CGNL1: variants seen among roughly 807,000 people sequenced by gnomAD.
The protein encoded by CGNL1 is cingulin like 1.
In CGNL1, 132 loss-of-function variants were observed where a neutral mutation model predicts 141.2. The ratio of observed to expected loss-of-function variants is 0.93; its 90% CI spans 0.81 to 1.08. CGNL1 has a LOEUF of 1.08. CGNL1 is among the 50% of genes least tolerant of loss of function. CGNL1 has a pLI of 0.00. For missense variants in CGNL1, 1,870 were observed against 1,588.6 expected (o/e 1.18, Z -3.01); for synonymous variants, 690 against 622.1 (o/e 1.11, Z -1.63).
chr15:57,495,755 T>C (rs747424186), intron 8 of CGNL1, among the ~76,000 whole-genome samples: 1 of 152,106 alleles, frequency 6.6e-6, no homozygotes, highest in Non-Finnish European at 1.5e-5. Flanking sequence ...TGACTTGGAG[T>C]GTGACCAGCC....
At chr15:57,402,475 A>G (rs1204449465) in intron 1 of CGNL1, among the ~76,000 whole-genome samples, 1 of 152,216 alleles carries the variant, frequency 6.6e-6, no homozygotes, top group Non-Finnish European at 1.5e-5. Flanking sequence ...CTAGCACACC[A>G]TGCTCTAAGT....
chr15:57,406,747 G>C lies in CGNL1; in HGVS notation c.-16+30180G>C, dbSNP rs549711634. Among the ~76,000 whole-genome samples, 5 of 152,282 alleles carry C rather than the reference G, an allele frequency of 3.3e-5. No homozygotes were observed. In the East Asian group the frequency reaches 9.6e-4, roughly 29 times the overall value. ...GTAATCAAACTTACATAAGTACTGTGCAAATCCAGAAAATTTGTAGTGAGT... is the reference window on the plus strand; with the variant it reads ...GTAATCAAACTTACATAAGTACTGTCCAAATCCAGAAAATTTGTAGTGAGT... On this transcript the variant is annotated intron_variant, in intron 1 of 18. Coordinates refer to ENST00000281282, the MANE Select transcript of CGNL1 (RefSeq NM_032866.5).
At chr15:57,517,251 C>G (rs1388775284) in intron 9 of CGNL1, among the ~76,000 whole-genome samples, 4 of 152,312 alleles carry the variant, frequency 2.6e-5, no homozygotes, top group Admixed American at 1.3e-4. Context: ...CCAGACATAC[C>G]CAGCCTTCCA....
At chr15:57,472,706 C>A (rs2063598230) in intron 8 of CGNL1, among the ~76,000 whole-genome samples, 1 of 152,126 alleles carries the variant, frequency 6.6e-6, no homozygotes, top group South Asian at 2.1e-4. Context: ...CCCCATTTTC[C>A]TTATGAGTTT....
chr15:57,529,559 AACACACACACACACACACACACACAC>A (rs10593466), intron 13 of CGNL1, among the ~76,000 whole-genome samples: 411 of 138,008 alleles, frequency 3.0e-3, no homozygotes, highest in Non-Finnish European at 5.5e-3. Context: ...AACCCCCAGA[AACACACACACACACACACACACACAC>A]ACACACACAC....
In CGNL1 at chr15:57,547,430, C is replaced by T; in HGVS notation, c.3849C>T (p.Leu1283=). The change falls in exon 19 of 19, where the codon CTC becomes CTT. Residue 1283 remains leucine, a synonymous_variant. Transcript: ENST00000281282. ...ACCTCAGCACGGATGGGGGAAGCCT[C>T]TATGAGGCGCCTGTGAGCTACACAT... The part of the protein sequence containing the change: ...DDDLSTDGGS[L]YEAPVSYTFS... 2 of 1,614,192 alleles carry T rather than the reference C, an allele frequency of 1.2e-6. No individual in the cohort carries two copies. Among genetic ancestry groups the T allele is most frequent in the Non-Finnish European group, 1.7e-6 (2 of 1,180,024 alleles).
chr15:57,445,474 A>T (rs937871095), intron 4 of CGNL1, among the ~76,000 whole-genome samples: 13 of 152,214 alleles, frequency 8.5e-5, no homozygotes, highest in Non-Finnish European at 1.9e-4. Context: ...TTAGGAGAGA[A>T]TGTAAGAACC....
rs143671233 is a variant in CGNL1 at position 57,476,716 on chromosome 15, C to T, written c.2403+14824C>T. Among the ~76,000 whole-genome samples the T allele has an allele frequency of 3.1e-3, 465 of 152,278 alleles. 7 individuals are homozygous for T. The highest frequency in any genetic ancestry group is 0.011 in the African/African-American group (437 of 41,558). On this transcript the variant is annotated intron_variant, in intron 8 of 18. Coordinates refer to ENST00000281282, the MANE Select transcript of CGNL1 (RefSeq NM_032866.5). ...GATGCAATGGAAAAATCCCTCTGTCCGAGTCATCTCTAGGGAACAGAACTT... is the reference window on the plus strand; with the variant it reads ...GATGCAATGGAAAAATCCCTCTGTCTGAGTCATCTCTAGGGAACAGAACTT...
intron 1 of CGNL1, among the ~76,000 whole-genome samples, chr15:57,409,948 C>T (rs1302615913): frequency 1.3e-5 from 2 of 152,170 alleles, no homozygotes; most frequent in Non-Finnish European, 2.9e-5. Flanking sequence ...GTGAGGATCT[C>T]GCCCTTTCTG....
chr15:57,480,971 C>T (rs1243563652), intron 8 of CGNL1, among the ~76,000 whole-genome samples: 2 of 151,632 alleles, frequency 1.3e-5, no homozygotes, highest in South Asian at 2.1e-4. Flanking sequence ...AACAGTACAC[C>T]TTAAATGCCT....
chr15:57,482,429 A>G lies in CGNL1; in HGVS notation c.2403+20537A>G, dbSNP rs192632085. On this transcript the variant is annotated intron_variant, in intron 8 of 18. Transcript: ENST00000281282. Reference sequence around the variant, plus strand: ...AAGGTTTCTTAGTTTTGCATTTTACATTTAAGCTCACAGTCCATTTTGAGT... The same window carrying G: ...AAGGTTTCTTAGTTTTGCATTTTACGTTTAAGCTCACAGTCCATTTTGAGT... 4.6e-5 allele frequency among the ~76,000 whole-genome samples: 7 copies of G among 152,296 alleles called. No individual in the cohort carries two copies. In the East Asian group the frequency reaches 1.2e-3, roughly 25 times the overall value.
intron 14 of CGNL1, 70 bp from the exon 15 acceptor site, chr15:57,543,626 C>T: frequency 7.3e-7 from 1 of 1,376,888 alleles, no homozygotes; most frequent in Non-Finnish European, 1.0e-6. Flanking sequence ...CAGTTCCTTG[C>T]CACCATTTCA....
At chr15:57,454,424 C>A (rs1330334944) in intron 7 of CGNL1, among the ~76,000 whole-genome samples, 1 of 152,212 alleles carries the variant, frequency 6.6e-6, no homozygotes. Flanking sequence ...AAGCTTCTGG[C>A]TCTGAAGTCC....
At chr15:57,382,414 C>G (rs1191267182) in intron 1 of CGNL1, among the ~76,000 whole-genome samples, 1 of 152,226 alleles carries the variant, frequency 6.6e-6, no homozygotes, top group African/African-American at 2.4e-5. Flanking sequence ...TTTCTGCCAG[C>G]CTGGCCAGAA....
intron 7 of CGNL1, 92 bp from the exon 8 acceptor site, chr15:57,461,588 G>C (rs1222833901): frequency 3.9e-6 from 4 of 1,032,680 alleles, no homozygotes; most frequent in East Asian, 4.8e-5. Context: ...TGAGATGGCT[G>C]TGCACATGGG....
Position 57,452,309 on chromosome 15 carries a change from C to A in CGNL1, c.2054+20C>A, listed in dbSNP as rs751367577. ...GGAGGAGTAAGTTCTGGGCTGAGAG[C>A]CTGTTGCCCTTCCCAGGTTCTCTAT... On this transcript the variant is annotated intron_variant, in intron 6 of 18. Transcript: ENST00000281282. 4 of 1,605,210 alleles carry A rather than the reference C, an allele frequency of 2.5e-6. No homozygotes were observed. Among genetic ancestry groups the A allele is most frequent in the Non-Finnish European group, 3.4e-6 (4 of 1,176,024 alleles).
intron 8 of CGNL1, among the ~76,000 whole-genome samples, chr15:57,512,395 G>A (rs2152401196): frequency 1.3e-5 from 2 of 152,254 alleles, no homozygotes; most frequent in East Asian, 3.9e-4. Flanking sequence ...GGGGGTGTGG[G>A]GGCATGAAAA....
intron 18 of CGNL1, 27 bp downstream of exon 18, chr15:57,546,266 G>C: frequency 1.3e-6 from 2 of 1,544,492 alleles, no homozygotes; most frequent in Non-Finnish European, 1.7e-6. Context: ...GCCACAGAGG[G>C]CCGGGTAATC....
rs1426372656 is a variant in CGNL1, at chr15:57,471,160, G to A, written c.2403+9268G>A. Among the ~76,000 whole-genome samples the A allele has an allele frequency of 4.6e-5, 7 of 152,178 alleles. No individual in the cohort carries two copies. The East Asian group carries it at 9.6e-4, about 21-fold the overall frequency. ...CAGTTACAGTTCAGATTTCCAGAGCGTAGGAGCTCATAAACTATTTCTGAG... is the reference window on the plus strand; with the variant it reads ...CAGTTACAGTTCAGATTTCCAGAGCATAGGAGCTCATAAACTATTTCTGAG... On this transcript the variant is annotated intron_variant, in intron 8 of 18. Coordinates refer to ENST00000281282, the MANE Select transcript of CGNL1 (RefSeq NM_032866.5).
Sources: gnomAD v4.1 joint callset for allele counts (sites outside exome capture counted in the v4.1 genomes callset) on GRCh38, gnomAD v4.1.1 for gene constraint, MANE v1.5 for transcripts, NCBI Gene and HGNC (gene_info 2026-07-23, HGNC 2026-07-21) for gene names.